SLC35F3: variants seen among roughly 807,000 people sequenced by gnomAD.
SLC35F3 encodes putative thiamine transporter SLC35F3.
A neutral mutation model predicts 49.9 loss-of-function variants in SLC35F3; 25 were observed. The observed-to-expected ratio is 0.50, with a 90% CI of 0.37 to 0.70. The LOEUF (loss-of-function observed/expected upper bound fraction) is 0.70. SLC35F3 is among the 30% of genes least tolerant of loss of function. The pLI, the probability that SLC35F3 is intolerant of heterozygous loss-of-function variation, is 0.00. For missense variants in SLC35F3, 525 were observed against 639.8 expected (o/e 0.82, Z 1.94); for synonymous variants, 275 against 265.4 (o/e 1.04, Z -0.35).
chr1:234,083,597 T>A (rs1270240924), intron 2 of SLC35F3, among the ~76,000 whole-genome samples: 2 of 152,176 alleles, frequency 1.3e-5, no homozygotes, highest in Admixed American at 1.3e-4. Context: ...TCCAGAGTGC[T>A]TATGAAGCGG....
chr1:234,009,018 C>T (rs76605068), intron 2 of SLC35F3, among the ~76,000 whole-genome samples: 3,803 of 152,252 alleles, frequency 0.025, 147 homozygotes, highest in African/African-American at 0.081. Flanking sequence ...AAAGTTAATA[C>T]TCTAAAAGGC....
At chr1:234,016,863 A>G (rs1214587267) in intron 2 of SLC35F3, among the ~76,000 whole-genome samples, 2 of 152,172 alleles carry the variant, frequency 1.3e-5, no homozygotes, top group Non-Finnish European at 2.9e-5. Flanking sequence ...TTACACCACT[A>G]ACACCACTCC....
At chr1:234,267,615 CGGCTGGCCAGGCGGGG>C (rs1298308419) in intron 3 of SLC35F3, among the ~76,000 whole-genome samples, 1 of 149,480 alleles carries the variant, frequency 6.7e-6, no homozygotes, top group Non-Finnish European at 1.5e-5. Context: ...CTGGATGGGG[CGGCTGGCCAGGCGGGG>C]GGCTGACCCC....
chr1:234,201,286 A>G (rs1453709329), intron 2 of SLC35F3, among the ~76,000 whole-genome samples: 4 of 152,250 alleles, frequency 2.6e-5, no homozygotes, highest in Admixed American at 1.3e-4. Context: ...GCAGGGCTGT[A>G]GCTAAACATT....
intron 2 of SLC35F3, among the ~76,000 whole-genome samples, chr1:233,986,935 T>C (rs1663274154): frequency 6.6e-6 from 1 of 152,232 alleles, no homozygotes; most frequent in South Asian, 2.1e-4. Flanking sequence ...CCTCATTTTT[T>C]CTTTTTGTAT....
intron 2 of SLC35F3, among the ~76,000 whole-genome samples, chr1:234,069,146 A>T (rs9435556): frequency 2.4e-4 from 31 of 129,502 alleles, no homozygotes; most frequent in African/African-American, 8.8e-4. Context: ...AATATATAAT[A>T]TATTTATAGA....
chr1:234,136,448 T>G (rs995312415), intron 2 of SLC35F3, among the ~76,000 whole-genome samples: 1 of 151,958 alleles, frequency 6.6e-6, no homozygotes, highest in Non-Finnish European at 1.5e-5. Context: ...TGGGCTCAAG[T>G]TATTCTTCCA....
chr1:234,049,774 C>T (rs1034854333), intron 2 of SLC35F3, among the ~76,000 whole-genome samples: 5 of 152,164 alleles, frequency 3.3e-5, no homozygotes, highest in Non-Finnish European at 5.9e-5. Context: ...TCTCCTAATG[C>T]TATCCCTCCC....
At chr1:234,172,195 G>T (rs997781210) in intron 2 of SLC35F3, among the ~76,000 whole-genome samples, 1 of 152,102 alleles carries the variant, frequency 6.6e-6, no homozygotes, top group Non-Finnish European at 1.5e-5. Flanking sequence ...CCTTGCAATA[G>T]GGTCAGTGCC....
At chr1:234,184,403 C>G (rs1247152107) in intron 2 of SLC35F3, among the ~76,000 whole-genome samples, 1 of 152,128 alleles carries the variant, frequency 6.6e-6, no homozygotes, top group Non-Finnish European at 1.5e-5. Flanking sequence ...TGGAATGAAG[C>G]ATGTTTTGAG....
chr1:234,163,484 T>C (rs1376334258), intron 2 of SLC35F3, among the ~76,000 whole-genome samples: 3 of 151,786 alleles, frequency 2.0e-5, no homozygotes, highest in Admixed American at 6.6e-5. Flanking sequence ...TGAGTGAGAG[T>C]GTAAACAGGT....
Position 234,231,216 on chromosome 1 carries a change from G to A in SLC35F3, c.284-201G>A, listed in dbSNP as rs1366565491. 6.6e-6 allele frequency among the ~76,000 whole-genome samples: 1 copy of A among 152,232 alleles called. No homozygotes were observed. Among genetic ancestry groups the A allele is most frequent in the Non-Finnish European group, 1.5e-5 (1 of 68,040 alleles). ...CAGGGACCACACTTGGAGAGCCTCG[G>A]ACCTGGAGGACAGGAAAACCAGTGC... On this transcript the variant is annotated intron_variant, in intron 2 of 7. Coordinates refer to ENST00000366618, the MANE Select transcript of SLC35F3 (RefSeq NM_173508.4). This position sits in a 1 kb window ranked among gnomAD's most constrained non-coding sequence, Gnocchi z 5.4.
At chr1:234,053,738 G>A (rs907649070) in intron 2 of SLC35F3, among the ~76,000 whole-genome samples, 5 of 152,148 alleles carry the variant, frequency 3.3e-5, no homozygotes, top group Non-Finnish European at 7.3e-5. Context: ...TCCTAGCATC[G>A]ATGGTCTTTA....
intron 2 of SLC35F3, among the ~76,000 whole-genome samples, chr1:234,134,724 T>C (rs1665784751): frequency 6.6e-6 from 1 of 151,838 alleles, no homozygotes; most frequent in Non-Finnish European, 1.5e-5. Flanking sequence ...TTTTGTGGGT[T>C]TTTTGGTTTG....
chr1:234,231,075 C>T lies in SLC35F3; in HGVS notation c.284-342C>T, dbSNP rs919749352. 2.0e-5 allele frequency among the ~76,000 whole-genome samples: 3 copies of T among 152,172 alleles called. No individual in the cohort carries two copies. Among genetic ancestry groups the T allele is most frequent in the African/African-American group, 7.2e-5 (3 of 41,428 alleles). On this transcript the variant is annotated intron_variant, in intron 2 of 7. Coordinates refer to ENST00000366618, the MANE Select transcript of SLC35F3 (RefSeq NM_173508.4). The surrounding 1 kb of genome is among the most constrained non-coding windows in gnomAD (Gnocchi z 5.4). ...TTCTGGAGGAGTGTTTCCCAAAGCA[C>T]GCAGATCACCTGAGGAATGCAGGTT... is the stretch of plus-strand genomic sequence containing the variant.
chr1:234,182,596 A>G (rs562648222), intron 2 of SLC35F3, among the ~76,000 whole-genome samples: 2 of 152,342 alleles, frequency 1.3e-5, no homozygotes, highest in Admixed American at 1.3e-4. Flanking sequence ...AAGTAGGATA[A>G]TTGGAGCAAA....
At chr1:234,180,848 C>G (rs1354699792) in intron 2 of SLC35F3, among the ~76,000 whole-genome samples, 2 of 152,054 alleles carry the variant, frequency 1.3e-5, no homozygotes, top group Non-Finnish European at 2.9e-5. Context: ...TTTTTATTAT[C>G]AAAAATTCAA....
chr1:234,132,275 G>A (rs1198495858), intron 2 of SLC35F3, among the ~76,000 whole-genome samples: 3 of 152,096 alleles, frequency 2.0e-5, no homozygotes, highest in East Asian at 3.9e-4. Context: ...TTTCTGCCTC[G>A]TACATTGCTA....
In SLC35F3 at chr1:234,039,802, A is replaced by T. The variant is rs576557954; in HGVS notation, c.283+134044A>T. Among the ~76,000 whole-genome samples the T allele has an allele frequency of 6.6e-5, 10 of 152,308 alleles. No individual in the cohort carries two copies. The South Asian group carries it at 2.1e-3, about 32-fold the overall frequency. On this transcript the variant is annotated intron_variant, in intron 2 of 7. Coordinates refer to ENST00000366618, the MANE Select transcript of SLC35F3 (RefSeq NM_173508.4). ...TTTGCAGCTGGCAGGAGCAAACTCC[A>T]TGCACGCCCCGCGGCAGCATCCAGG...
Sources: gnomAD v4.1 joint callset for allele counts (sites outside exome capture counted in the v4.1 genomes callset) on GRCh38, gnomAD v4.1.1 for gene constraint, Gnocchi (gnomAD v3.1) non-coding constraint, MANE v1.5 for transcripts, NCBI Gene and HGNC (gene_info 2026-07-23, HGNC 2026-07-21) for gene names.